Variants in LRP1B observed in about 807,000 individuals in gnomAD.
LRP1B encodes low-density lipoprotein receptor-related protein 1B.
Under a neutral mutation model 556.6 loss-of-function variants are expected in LRP1B, and 217 were observed. The ratio of observed to expected loss-of-function variants is 0.39; its 90% CI spans 0.35 to 0.44. LRP1B has a LOEUF of 0.44. Ranked by LOEUF, LRP1B falls within the 20% of genes least tolerant of loss-of-function variation. LRP1B has a pLI of 1.00. For missense variants in LRP1B, 5,053 were observed against 5,620.8 expected (o/e 0.90, Z 3.23); for synonymous variants, 2,047 against 1,865.8 (o/e 1.10, Z -2.50).
chr2:141,146,238 T>G (rs1701782577), intron 7 of LRP1B, among the ~76,000 whole-genome samples: 1 of 152,174 alleles, frequency 6.6e-6, no homozygotes, highest in South Asian at 2.1e-4. Context: ...TAGTTCACTC[T>G]TACCACCTAT....
chr2:140,332,039 A>G (rs1680844237), intron 79 of LRP1B, among the ~76,000 whole-genome samples: 1 of 151,974 alleles, frequency 6.6e-6, no homozygotes, highest in Non-Finnish European at 1.5e-5. Flanking sequence ...TTTGAAGGTA[A>G]TAAATTCATT....
intron 2 of LRP1B, among the ~76,000 whole-genome samples, chr2:141,722,437 G>A (rs913893428): frequency 1.3e-5 from 2 of 152,102 alleles, no homozygotes; most frequent in Non-Finnish European, 2.9e-5. Flanking sequence ...CCTGCGGTTA[G>A]ATATCTTTGG....
intron 8 of LRP1B, among the ~76,000 whole-genome samples, chr2:141,060,047 T>C (rs1256982963): frequency 6.6e-6 from 1 of 151,816 alleles, no homozygotes; most frequent in Non-Finnish European, 1.5e-5. Context: ...AAAAAGTATG[T>C]GCGGTTTGAT....
chr2:140,578,416 G>C (rs1320498517), intron 43 of LRP1B, among the ~76,000 whole-genome samples: 1 of 152,142 alleles, frequency 6.6e-6, no homozygotes, highest in Admixed American at 6.5e-5. Context: ...AAGGAAATGA[G>C]TATTGAATAA....
chr2:140,839,841 C>G, intron 31 of LRP1B, 150 bp downstream of exon 31: 1 of 622,708 alleles, frequency 1.6e-6, no homozygotes, highest in Non-Finnish European at 2.8e-6. Context: ...CTAACAGAAA[C>G]CCAATGGATT....
intron 21 of LRP1B, among the ~76,000 whole-genome samples, chr2:140,921,569 T>C (rs1374946225): frequency 2.0e-5 from 3 of 152,008 alleles, no homozygotes; most frequent in Non-Finnish European, 2.9e-5. Context: ...TAATTTTCAA[T>C]TAATACATGT....
At chr2:140,913,514 G>T (rs1243192076) in intron 21 of LRP1B, among the ~76,000 whole-genome samples, 2 of 151,910 alleles carry the variant, frequency 1.3e-5, no homozygotes, top group Non-Finnish European at 2.9e-5. Context: ...ATAGACAGCT[G>T]CCTTATGCGT....
At chr2:140,990,915 A>G (rs1266456324) in intron 16 of LRP1B, among the ~76,000 whole-genome samples, 1 of 152,142 alleles carries the variant, frequency 6.6e-6, no homozygotes, top group East Asian at 1.9e-4. Flanking sequence ...TTGTTTTATC[A>G]TGCTTGTTGA....
chr2:140,789,457 T>C (rs1258760137), intron 32 of LRP1B, among the ~76,000 whole-genome samples: 5 of 152,006 alleles, frequency 3.3e-5, no homozygotes, highest in African/African-American at 1.2e-4. Context: ...ACTCCTCTGT[T>C]TAACCCTTCA....
Position 141,301,404 on chromosome 2 carries a change from T to C in LRP1B, c.344-46763A>G, listed in dbSNP as rs188674634. Among the ~76,000 whole-genome samples the C allele has an allele frequency of 4.5e-3, 683 of 152,298 alleles. 1 individual carries two copies. The highest frequency in any genetic ancestry group is 0.015 in the African/African-American group (618 of 41,560). ...CAGAGTGCTGATGATATCAAGATAT[T>C]ATAATGTCAATATATTCTATTGTTT... On this transcript the variant is annotated intron_variant, in intron 3 of 90. Coordinates refer to ENST00000389484, the MANE Select transcript of LRP1B (RefSeq NM_018557.3).
At chr2:140,320,898 C>G (rs977722942) in intron 82 of LRP1B, among the ~76,000 whole-genome samples, 2 of 151,886 alleles carry the variant, frequency 1.3e-5, no homozygotes, top group Admixed American at 1.3e-4. Flanking sequence ...CACACACACA[C>G]ACACAAAATT....
At chr2:142,127,004 G>A (rs776664201) in intron 1 of LRP1B, among the ~76,000 whole-genome samples, 29 of 151,866 alleles carry the variant, frequency 1.9e-4, no homozygotes, top group Non-Finnish European at 3.8e-4. Context: ...TGAAAAACAA[G>A]CAGCATTTAG....
intron 1 of LRP1B, among the ~76,000 whole-genome samples, chr2:141,850,722 T>C (rs570112667): frequency 2.7e-5 from 4 of 150,482 alleles, no homozygotes; most frequent in East Asian, 3.9e-4. Flanking sequence ...TGGAGGAAAA[T>C]AGGTTAACCA....
At chr2:140,455,852 G>C (rs1687086556) in intron 62 of LRP1B, among the ~76,000 whole-genome samples, 1 of 152,112 alleles carries the variant, frequency 6.6e-6, no homozygotes, top group African/African-American at 2.4e-5. Flanking sequence ...AGTGGCTCAC[G>C]TGTTACAAAG....
intron 25 of LRP1B, among the ~76,000 whole-genome samples, chr2:140,876,987 G>A (rs1417782161): frequency 6.6e-6 from 1 of 151,860 alleles, no homozygotes; most frequent in Non-Finnish European, 1.5e-5. Context: ...TTTTTTTATT[G>A]TTTTCTACCA....
intron 32 of LRP1B, among the ~76,000 whole-genome samples, chr2:140,786,758 C>A (rs1177671797): frequency 6.6e-6 from 1 of 152,118 alleles, no homozygotes; most frequent in African/African-American, 2.4e-5. Context: ...TATTGAGAGA[C>A]TTGTGTCATG....
Position 141,710,120 on chromosome 2 carries a change from T to C in LRP1B, c.205+100159A>G, listed in dbSNP as rs185203271. ...GGGGGATTAAGCTTCAACATATGAA[T>C]TTTAGGAGTACACATTTAGTCTATA... On this transcript the variant is annotated intron_variant, in intron 2 of 90. Coordinates refer to ENST00000389484, the MANE Select transcript of LRP1B (RefSeq NM_018557.3). 5.3e-5 allele frequency among the ~76,000 whole-genome samples: 8 copies of C among 152,296 alleles called. No individual in the cohort carries two copies. In the East Asian group the frequency reaches 1.4e-3, roughly 26 times the overall value.
At chr2:141,423,900 A>G (rs1680248503) in intron 3 of LRP1B, among the ~76,000 whole-genome samples, 1 of 152,000 alleles carries the variant, frequency 6.6e-6, no homozygotes, top group South Asian at 2.1e-4. Flanking sequence ...TTGAGGAAAG[A>G]ATATTAAATA....
At chr2:142,082,904 T>C (rs1574665318) in intron 1 of LRP1B, among the ~76,000 whole-genome samples, 1 of 152,164 alleles carries the variant, frequency 6.6e-6, no homozygotes, top group East Asian at 1.9e-4. Context: ...GTGGCCAGGA[T>C]GAGGACATGA....
Sources: allele counts gnomAD v4.1 joint callset (sites outside exome capture counted in the v4.1 genomes callset), GRCh38; gene constraint gnomAD v4.1.1; transcripts MANE v1.5; gene names NCBI Gene and HGNC (gene_info 2026-07-23, HGNC 2026-07-21).